Variants in UVRAG observed in about 807,000 individuals in gnomAD.
The protein encoded by UVRAG is UV radiation resistance associated.
Under a neutral mutation model 78.0 loss-of-function variants are expected in UVRAG, and 19 were observed. The ratio of observed to expected loss-of-function variants is 0.24; its 90% CI spans 0.17 to 0.36. The LOEUF (loss-of-function observed/expected upper bound fraction) is 0.36, where lower values mean the gene tolerates loss of function less well. Among genes scored for constraint, UVRAG ranks in the 10% least tolerant of loss-of-function variants. The probability of loss-of-function intolerance (pLI) is 1.00; values close to 1 mark genes in which losing one functional copy is unlikely to be tolerated. For synonymous variants in UVRAG, 323 were observed against 324.6 expected, an observed-to-expected ratio of 1.00 and a Z score of 0.05; for missense variants, 740 against 853.8, an observed-to-expected ratio of 0.87 and a Z score of 1.66.
intron 11 of UVRAG, among the ~76,000 whole-genome samples, chr11:76,014,677 C>T (rs542782209): frequency 5.4e-4 from 82 of 152,204 alleles, no homozygotes; most frequent in Non-Finnish European, 1.1e-3. Flanking sequence ...TACTTCATCA[C>T]TCATAGTTTC....
intron 2 of UVRAG, among the ~76,000 whole-genome samples, chr11:75,852,901 A>G (rs1295142820): frequency 6.6e-6 from 1 of 152,154 alleles, no homozygotes; most frequent in Non-Finnish European, 1.5e-5. Flanking sequence ...GAAAAATTCA[A>G]GTGATATTTA....
At chr11:75,925,084 T>C (rs1370227483) in intron 6 of UVRAG, among the ~76,000 whole-genome samples, 5 of 152,208 alleles carry the variant, frequency 3.3e-5, no homozygotes, top group African/African-American at 1.2e-4. Flanking sequence ...TTCACAGAGT[T>C]ACTGGACTAA....
intron 7 of UVRAG, among the ~76,000 whole-genome samples, chr11:75,983,133 T>C (rs1949426169): frequency 6.6e-6 from 1 of 152,152 alleles, no homozygotes; most frequent in Non-Finnish European, 1.5e-5. Flanking sequence ...TCAGGGAAGG[T>C]ACCTGAGATA....
intron 6 of UVRAG, among the ~76,000 whole-genome samples, chr11:75,917,130 T>G: frequency 6.6e-6 from 1 of 152,230 alleles, no homozygotes; most frequent in East Asian, 1.9e-4. Context: ...AGTTAAGCTA[T>G]AAACTAAATT....
At chr11:75,821,033 A>G (rs1399587617) in intron 1 of UVRAG, among the ~76,000 whole-genome samples, 1 of 152,228 alleles carries the variant, frequency 6.6e-6, no homozygotes, top group Non-Finnish European at 1.5e-5. Flanking sequence ...TCATCACTGT[A>G]TATTTCCAGA....
chr11:75,972,713 C>A (rs1469780793), intron 7 of UVRAG, among the ~76,000 whole-genome samples: 1 of 152,172 alleles, frequency 6.6e-6, no homozygotes, highest in Non-Finnish European at 1.5e-5. Context: ...TTGTTCTTCT[C>A]CTTCAATATT....
chr11:75,948,805 T>G (rs1948629596), intron 6 of UVRAG, among the ~76,000 whole-genome samples: 1 of 152,058 alleles, frequency 6.6e-6, no homozygotes. Context: ...AAGGTTAGTG[T>G]CCATCAGAGA....
At chr11:75,880,078 C>G (rs1405213034) in intron 4 of UVRAG, 38 bp downstream of exon 4, 1 of 1,608,454 alleles carries the variant, frequency 6.2e-7, no homozygotes, top group South Asian at 1.1e-5. Context: ...GTTGTCATCT[C>G]CAAATTAACG....
intron 12 of UVRAG, among the ~76,000 whole-genome samples, chr11:76,039,513 T>C (rs1248072647): frequency 1.3e-5 from 2 of 152,026 alleles, no homozygotes; most frequent in African/African-American, 4.8e-5. Context: ...TTTACATATT[T>C]GAAAAAAGGG....
intron 4 of UVRAG, among the ~76,000 whole-genome samples, chr11:75,886,989 G>C (rs1383032023): frequency 6.8e-6 from 1 of 146,496 alleles, no homozygotes; most frequent in Admixed American, 6.8e-5. Context: ...TTTTTGAGAC[G>C]GAGTCTCGCT....
chr11:76,142,098 C>A lies in UVRAG; in HGVS notation c.*685C>A. On this transcript the variant is annotated 3_prime_UTR_variant, in exon 15 of 15. Coordinates refer to ENST00000356136, the MANE Select transcript of UVRAG (RefSeq NM_003369.4). ...TCTTCTAACCAGCCATGGCCTTCCC[C>A]TCCTCTGCCATACCCTTAATGCGGC... 1 of 152,462 alleles carries A rather than the reference C, an allele frequency of 6.6e-6. No homozygotes were observed. The allele number at this position is 152,462 out of a possible 1,614,324, so 9.4% of individuals were successfully genotyped here.
chr11:76,078,752 C>CAAAAAAAAAAAAAAAA (rs61700855), intron 13 of UVRAG, among the ~76,000 whole-genome samples: 1 of 37,202 alleles, frequency 2.7e-5, no homozygotes, highest in African/African-American at 6.8e-5. Flanking sequence ...ACTAAAAATA[C>CAAAAAAAAAAAAAAAA]AAAAAAAAAA....
At chr11:75,981,590 C>T (rs1949395171) in intron 7 of UVRAG, among the ~76,000 whole-genome samples, 1 of 152,120 alleles carries the variant, frequency 6.6e-6, no homozygotes, top group Non-Finnish European at 1.5e-5. Flanking sequence ...GTTGGGATTA[C>T]AGGCATGAGC....
At chr11:75,971,287 G>A (rs1161862882) in intron 7 of UVRAG, among the ~76,000 whole-genome samples, 1 of 152,204 alleles carries the variant, frequency 6.6e-6, no homozygotes, top group Non-Finnish European at 1.5e-5. Context: ...TGGCAATTAT[G>A]AATAAAGTTG....
At chr11:75,883,254 C>T (rs1240683048) in intron 4 of UVRAG, among the ~76,000 whole-genome samples, 6 of 151,746 alleles carry the variant, frequency 4.0e-5, no homozygotes, top group Admixed American at 6.6e-5. Context: ...CACTTTCCTT[C>T]GGTGGTGGTC....
chr11:75,872,416 G>A lies in UVRAG; in HGVS notation c.271-7463G>A, dbSNP rs554222632. On this transcript the variant is annotated intron_variant, in intron 3 of 14. Coordinates refer to ENST00000356136, the MANE Select transcript of UVRAG (RefSeq NM_003369.4). Reference sequence around the variant, plus strand: ...CTTTTTTTTTTTTTTTTAGACGGAGGCTCACTCTGTCGCCCAGGCTAGAGT... The same window carrying A: ...CTTTTTTTTTTTTTTTTAGACGGAGACTCACTCTGTCGCCCAGGCTAGAGT... 7.4e-5 allele frequency among the ~76,000 whole-genome samples: 11 copies of A among 149,164 alleles called. No individual in the cohort carries two copies. The South Asian group carries it at 1.7e-3, about 23-fold the overall frequency.
chr11:75,912,926 G>T (rs903110122), intron 6 of UVRAG, among the ~76,000 whole-genome samples: 2 of 152,196 alleles, frequency 1.3e-5, no homozygotes, highest in Non-Finnish European at 2.9e-5. Flanking sequence ...TAAGAAACAT[G>T]ATTTTGACTA....
At chr11:76,072,960 C>T (rs1951342075) in intron 13 of UVRAG, among the ~76,000 whole-genome samples, 1 of 152,132 alleles carries the variant, frequency 6.6e-6, no homozygotes, top group South Asian at 2.1e-4. Flanking sequence ...TTGCCTGTTT[C>T]ACTGTATTGA....
intron 6 of UVRAG, among the ~76,000 whole-genome samples, chr11:75,945,601 C>T (rs1948572514): frequency 1.3e-5 from 2 of 152,196 alleles, no homozygotes; most frequent in South Asian, 4.1e-4. Context: ...TACATGACAT[C>T]TCGTGGTCAG....
Sources: gnomAD v4.1 joint callset for allele counts (sites outside exome capture counted in the v4.1 genomes callset) on GRCh38, gnomAD v4.1.1 for gene constraint, MANE v1.5 for transcripts, NCBI Gene and HGNC (gene_info 2026-07-23, HGNC 2026-07-21) for gene names.